XKR6: variants seen among roughly 807,000 people sequenced by gnomAD.
The protein encoded by XKR6 is XK related 6, also known as XK-related protein 6.
In XKR6, 22 loss-of-function variants were observed where a neutral mutation model predicts 56.7. That is an observed-to-expected ratio of 0.39 (90% CI 0.28 to 0.55). The LOEUF (loss-of-function observed/expected upper bound fraction) is 0.55. XKR6 is among the 20% of genes least tolerant of loss of function. XKR6 has a pLI of 0.66. For missense variants in XKR6, 852 were observed against 889.0 expected (o/e 0.96, Z 0.53); for synonymous variants, 524 against 387.8 (o/e 1.35, Z -4.13).
At chr8:11,073,717 G>T (rs528565290) in intron 1 of XKR6, among the ~76,000 whole-genome samples, 2 of 152,352 alleles carry the variant, frequency 1.3e-5, no homozygotes, top group South Asian at 4.1e-4. Flanking sequence ...ATCACAGGTT[G>T]TGAAAATGGA....
At chr8:10,915,400 T>C (rs1454983125) in intron 2 of XKR6, among the ~76,000 whole-genome samples, 1 of 152,254 alleles carries the variant, frequency 6.6e-6, no homozygotes, top group Non-Finnish European at 1.5e-5. Flanking sequence ...CCTGCGCTCA[T>C]GTCTCTCTGT....
At chr8:11,063,001 T>C in intron 1 of XKR6, 1 of 362,416 alleles carries the variant, frequency 2.8e-6, no homozygotes, top group Non-Finnish European at 5.4e-6. Flanking sequence ...CCTGGGTTCT[T>C]GAATCCTCAC....
At chr8:10,982,469 A>G (rs1299870152) in intron 1 of XKR6, among the ~76,000 whole-genome samples, 15 of 152,330 alleles carry the variant, frequency 9.8e-5, no homozygotes, top group African/African-American at 3.6e-4. Flanking sequence ...TTCCTCCAAC[A>G]TGAGTGCTTC....
chr8:11,100,377 T>C (rs1213124865), intron 1 of XKR6, among the ~76,000 whole-genome samples: 3 of 152,192 alleles, frequency 2.0e-5, no homozygotes, highest in Non-Finnish European at 4.4e-5. Flanking sequence ...AAGAATAGAA[T>C]TTATGACTTC....
At chr8:10,987,683 C>T (rs1351146582) in intron 1 of XKR6, among the ~76,000 whole-genome samples, 3 of 152,238 alleles carry the variant, frequency 2.0e-5, no homozygotes, top group Non-Finnish European at 4.4e-5. Context: ...CAAAGCCCTA[C>T]CATGACTTCC....
intron 1 of XKR6, among the ~76,000 whole-genome samples, chr8:10,991,006 C>G (rs189319766): frequency 6.8e-6 from 1 of 146,436 alleles, no homozygotes; most frequent in African/African-American, 2.6e-5. Context: ...GGAGTTCAAG[C>G]GATTCTCCTG....
intron 1 of XKR6, among the ~76,000 whole-genome samples, chr8:11,038,831 G>A (rs1374390589): frequency 6.6e-6 from 1 of 151,974 alleles, no homozygotes; most frequent in Admixed American, 6.5e-5. Context: ...ATGAGCCACC[G>A]CGCCTGGCCG....
intron 1 of XKR6, among the ~76,000 whole-genome samples, chr8:10,974,197 G>C (rs1386482363): frequency 6.6e-6 from 1 of 152,224 alleles, no homozygotes; most frequent in Non-Finnish European, 1.5e-5. Flanking sequence ...AGGAGATGCT[G>C]GTGGGCTCCC....
At chr8:11,061,116 T>A (rs142707244) in intron 1 of XKR6, among the ~76,000 whole-genome samples, 1 of 152,204 alleles carries the variant, frequency 6.6e-6, no homozygotes, top group African/African-American at 2.4e-5. Context: ...ATGGCAAAGG[T>A]TCCTTGCTGG....
intron 1 of XKR6, among the ~76,000 whole-genome samples, chr8:11,036,577 T>C (rs1292835571): frequency 6.6e-6 from 1 of 152,218 alleles, no homozygotes; most frequent in Non-Finnish European, 1.5e-5. Flanking sequence ...ATTAGCCAGG[T>C]GGCTGCACAG....
chr8:10,985,443 T>C (rs1296434049), intron 1 of XKR6, among the ~76,000 whole-genome samples: 1 of 152,112 alleles, frequency 6.6e-6, no homozygotes, highest in African/African-American at 2.4e-5. Context: ...TCAGCTGATA[T>C]ATTTGATAGA....
At chr8:11,110,834 C>G (rs574158468) in intron 1 of XKR6, among the ~76,000 whole-genome samples, 4 of 151,942 alleles carry the variant, frequency 2.6e-5, no homozygotes, top group African/African-American at 9.7e-5. Flanking sequence ...GGAATACACT[C>G]AACTTTCCTT....
At chr8:11,156,385 A>G (rs956921049) in intron 1 of XKR6, among the ~76,000 whole-genome samples, 2 of 152,184 alleles carry the variant, frequency 1.3e-5, no homozygotes, top group African/African-American at 4.8e-5. Context: ...AGAGCATGCA[A>G]CACATCCTAT....
chr8:11,100,654 T>G (rs1275137493), intron 1 of XKR6, among the ~76,000 whole-genome samples: 4 of 152,242 alleles, frequency 2.6e-5, no homozygotes, highest in Non-Finnish European at 5.9e-5. Flanking sequence ...CTTCCTACAC[T>G]GAGAAACACA....
chr8:11,038,425 A>C (rs1439127380), intron 1 of XKR6, among the ~76,000 whole-genome samples: 1 of 152,010 alleles, frequency 6.6e-6, no homozygotes, highest in Non-Finnish European at 1.5e-5. Context: ...CATTGTGTGG[A>C]GAGGCACGAA....
At chr8:11,024,474 T>C (rs922928290) in intron 1 of XKR6, among the ~76,000 whole-genome samples, 3 of 152,174 alleles carry the variant, frequency 2.0e-5, no homozygotes, top group African/African-American at 7.2e-5. Flanking sequence ...GCCTAGTCAA[T>C]TGTCTGGCAC....
intron 1 of XKR6, among the ~76,000 whole-genome samples, chr8:10,969,693 A>G (rs1228672458): frequency 6.6e-6 from 1 of 152,232 alleles, no homozygotes; most frequent in Middle Eastern, 3.2e-3. Flanking sequence ...TTCTTTAACA[A>G]GGACTGAACG....
At chr8:10,908,582 G>A (rs77039836) in intron 2 of XKR6, among the ~76,000 whole-genome samples, 268 of 152,048 alleles carry the variant, frequency 1.8e-3, no homozygotes, top group African/African-American at 5.6e-3. Context: ...TTCCAGTATC[G>A]CTATGTTGTT....
intron 1 of XKR6, among the ~76,000 whole-genome samples, chr8:11,148,076 G>A (rs1244468035): frequency 6.6e-6 from 1 of 152,066 alleles, no homozygotes; most frequent in Non-Finnish European, 1.5e-5. Flanking sequence ...TGGGCGTGGT[G>A]GCATGCACCT....
Sources: allele counts gnomAD v4.1 joint callset (sites outside exome capture counted in the v4.1 genomes callset), GRCh38; gene constraint gnomAD v4.1.1; transcripts MANE v1.5; gene names NCBI Gene and HGNC (gene_info 2026-07-23, HGNC 2026-07-21).